The following PTPRD variants were observed in gnomAD, a reference collection of about 807,000 sequenced individuals.
PTPRD encodes receptor-type tyrosine-protein phosphatase delta.
Under a neutral mutation model 214.5 loss-of-function variants are expected in PTPRD, and 34 were observed. The ratio of observed to expected loss-of-function variants is 0.16; its 90% CI spans 0.12 to 0.21. The LOEUF (loss-of-function observed/expected upper bound fraction) is 0.21, where lower values mean the gene tolerates loss of function less well. Among genes scored for constraint, PTPRD ranks in the 10% least tolerant of loss-of-function variants. The pLI, the probability that PTPRD is intolerant of heterozygous loss-of-function variation, is 1.00. For missense variants in PTPRD, 2,545 were observed against 2,398.7 expected, an observed-to-expected ratio of 1.06 and a Z score of -1.27; for synonymous variants, 1,128 against 845.7, an observed-to-expected ratio of 1.33 and a Z score of -5.79.
intron 9 of PTPRD, among the ~76,000 whole-genome samples, chr9:9,337,920 A>C (rs1284602916): frequency 6.6e-6 from 1 of 152,212 alleles, no homozygotes; most frequent in Non-Finnish European, 1.5e-5. Flanking sequence ...GCAACCATAA[A>C]ATTATAAAAT....
intron 6 of PTPRD, among the ~76,000 whole-genome samples, chr9:9,741,598 C>A (rs2098403259): frequency 6.6e-6 from 1 of 152,118 alleles, no homozygotes; most frequent in South Asian, 2.1e-4. Flanking sequence ...AATGCTATCC[C>A]TCCCATAGTC....
intron 3 of PTPRD, among the ~76,000 whole-genome samples, chr9:10,289,789 G>C (rs1342101592): frequency 6.6e-6 from 1 of 152,046 alleles, no homozygotes; most frequent in African/African-American, 2.4e-5. Flanking sequence ...TTAAAATATA[G>C]TAAGGTACAT....
intron 2 of PTPRD, among the ~76,000 whole-genome samples, chr9:10,428,726 A>G (rs1307362747): frequency 6.6e-6 from 1 of 152,116 alleles, no homozygotes. Context: ...TCTATGGAAT[A>G]TTCTATTTGG....
chr9:8,474,553 A>T (rs1022086737), intron 30 of PTPRD, among the ~76,000 whole-genome samples: 2 of 152,154 alleles, frequency 1.3e-5, no homozygotes, highest in Admixed American at 6.5e-5. Context: ...ATAAATTCAT[A>T]ATCAGCAACC....
At chr9:10,504,641 T>A (rs1412893392) in intron 2 of PTPRD, among the ~76,000 whole-genome samples, 1 of 152,144 alleles carries the variant, frequency 6.6e-6, no homozygotes, top group African/African-American at 2.4e-5. Context: ...CACAACCCTA[T>A]GAGGTAAACA....
intron 8 of PTPRD, among the ~76,000 whole-genome samples, chr9:9,477,138 C>T (rs1464636015): frequency 1.3e-5 from 2 of 152,124 alleles, no homozygotes; most frequent in Non-Finnish European, 2.9e-5. Flanking sequence ...AGAATGTAGG[C>T]CATTGGAAAA....
intron 8 of PTPRD, among the ~76,000 whole-genome samples, chr9:9,505,975 A>G (rs1381412900): frequency 1.3e-5 from 2 of 151,408 alleles, no homozygotes; most frequent in East Asian, 1.9e-4. Flanking sequence ...ATAATTTGAG[A>G]GTAGATAATC....
At chr9:8,762,971 G>A (rs1431560768) in intron 11 of PTPRD, among the ~76,000 whole-genome samples, 1 of 152,052 alleles carries the variant, frequency 6.6e-6, no homozygotes, top group African/African-American at 2.4e-5. Flanking sequence ...AAATGCCCAG[G>A]CCATTCTTCA....
chr9:9,819,667 T>C (rs2050037781), intron 5 of PTPRD, among the ~76,000 whole-genome samples: 1 of 152,078 alleles, frequency 6.6e-6, no homozygotes, highest in African/African-American at 2.4e-5. Flanking sequence ...CCCCTCCCTC[T>C]TTCCCTCTTC....
Position 8,612,112 on chromosome 9 carries a change from G to C in PTPRD, c.352+21205C>G, listed in dbSNP as rs565273879. Among the ~76,000 whole-genome samples the C allele has an allele frequency of 2.2e-3, 335 of 151,366 alleles. 2 individuals are homozygous for C. Among genetic ancestry groups the C allele is most frequent in the Non-Finnish European group, 3.8e-3 (257 of 67,834 alleles). On this transcript the variant is annotated intron_variant, in intron 14 of 45. Coordinates refer to ENST00000381196, the MANE Select transcript of PTPRD (RefSeq NM_002839.4). ...ATATCAAGACCTTGTGAAAAGAAAA[G>C]AAAACAAAACAAAACAAAACAAAAC...
chr9:8,721,620 T>C (rs1327420738), intron 12 of PTPRD, among the ~76,000 whole-genome samples: 1 of 152,196 alleles, frequency 6.6e-6, no homozygotes, highest in East Asian at 1.9e-4. Flanking sequence ...ATTTACTATG[T>C]GCAAGGCATA....
chr9:9,669,208 T>G (rs2096779537), intron 7 of PTPRD, among the ~76,000 whole-genome samples: 1 of 152,192 alleles, frequency 6.6e-6, no homozygotes, highest in Admixed American at 6.5e-5. Context: ...CTATGTTTAT[T>G]GCAGCACTAT....
intron 12 of PTPRD, among the ~76,000 whole-genome samples, chr9:8,706,500 T>C (rs1217786633): frequency 6.6e-6 from 1 of 152,180 alleles, no homozygotes; most frequent in African/African-American, 2.4e-5. Flanking sequence ...GTCTGCATGG[T>C]CTCTCTTTTT....
At chr9:10,357,406 A>G (rs2097299064) in intron 2 of PTPRD, among the ~76,000 whole-genome samples, 1 of 152,198 alleles carries the variant, frequency 6.6e-6, no homozygotes, top group African/African-American at 2.4e-5. Flanking sequence ...CAATGCCTTG[A>G]TTTCAGGACT....
intron 32 of PTPRD, among the ~76,000 whole-genome samples, chr9:8,462,515 G>A (rs1471703361): frequency 6.6e-6 from 1 of 151,918 alleles, no homozygotes; most frequent in African/African-American, 2.4e-5. Context: ...GTTCTCAAGG[G>A]CATCCACAAT....
At position 8,341,228 on chromosome 9, in the gene PTPRD, C is replaced by G. The variant is rs376711468; in HGVS notation, c.4988G>C (p.Ser1663Thr). 9 of 1,611,886 alleles carry G rather than the reference C, an allele frequency of 5.6e-6. No individual in the cohort carries two copies. The highest frequency in any genetic ancestry group is 2.2e-5 in the East Asian group (1 of 44,796). Residue 1663 changes from serine to threonine, a missense_variant, in exon 41 of 46, where the codon AGT (serine) becomes ACT (threonine). Ser to Thr is a moderately conservative substitution (Grantham distance 58). Coordinates refer to ENST00000381196, the MANE Select transcript of PTPRD (RefSeq NM_002839.4). ...SSKAHTSRFI[S>T]ANLPCNKFKN... ...GAATTTATTACATGGAAGATTGGCA[C>G]TGATAAACCTTGAGGTGTGAGCTTT... is the stretch of plus-strand genomic sequence containing the variant.
chr9:9,106,407 A>T (rs975367028), intron 10 of PTPRD, among the ~76,000 whole-genome samples: 7 of 152,030 alleles, frequency 4.6e-5, no homozygotes, highest in Admixed American at 4.6e-4. Context: ...TCTTTCCAGC[A>T]TCCATAAGAG....
At chr9:8,870,773 G>A (rs944215362) in intron 11 of PTPRD, among the ~76,000 whole-genome samples, 1 of 147,102 alleles carries the variant, frequency 6.8e-6, no homozygotes, top group African/African-American at 2.6e-5. Flanking sequence ...TTGGCCTTAA[G>A]GAAGCATTGC....
At chr9:9,004,268 C>T (rs2099443392) in intron 11 of PTPRD, among the ~76,000 whole-genome samples, 1 of 151,874 alleles carries the variant, frequency 6.6e-6, no homozygotes, top group East Asian at 1.9e-4. Context: ...GAATATGCCA[C>T]AAAAAGATTT....
Sources: allele counts gnomAD v4.1 joint callset (sites outside exome capture counted in the v4.1 genomes callset), GRCh38; gene constraint gnomAD v4.1.1; transcripts MANE v1.5; gene names NCBI Gene and HGNC (gene_info 2026-07-23, HGNC 2026-07-21).